Variants in GNAO1 observed in about 807,000 individuals in gnomAD.
GNAO1 encodes G protein subunit alpha o1.
For synonymous variants in GNAO1, 164 were observed against 180.7 expected, an observed-to-expected ratio of 0.91 and a Z score of 0.74; for missense variants, 166 against 478.7, an observed-to-expected ratio of 0.35 and a Z score of 6.10.
chr16:56,266,010 A>G (rs145757404), intron 2 of GNAO1, among the ~76,000 whole-genome samples: 41 of 151,996 alleles, frequency 2.7e-4, no homozygotes, highest in African/African-American at 9.4e-4. Context: ...TTCCTCACCA[A>G]TATGCAAGGC....
chr16:56,286,749 G>A (rs933253719), intron 3 of GNAO1, among the ~76,000 whole-genome samples: 5 of 151,588 alleles, frequency 3.3e-5, no homozygotes, highest in African/African-American at 9.7e-5. Context: ...GTATCTGTCT[G>A]TCTGTCTGTC....
rs148751219 is a variant in GNAO1, at chr16:56,256,942, C to G, written c.162-18989C>G. Among the ~76,000 whole-genome samples the G allele has an allele frequency of 1.2e-3, 190 of 152,214 alleles. No individual in the cohort carries two copies. The East Asian group carries it at 0.023, about 18-fold the overall frequency. On this transcript the variant is annotated intron_variant, in intron 2 of 8. Coordinates refer to ENST00000262493, the MANE Select transcript of GNAO1 (RefSeq NM_020988.3). ...TGGCCCAAGATGAGTTGCAGTGGTG[C>G]AAGGACAGTGTTTGAGAATGTTGAA...
At chr16:56,194,879 T>C (rs1304105052) in intron 2 of GNAO1, among the ~76,000 whole-genome samples, 5 of 152,208 alleles carry the variant, frequency 3.3e-5, no homozygotes, top group African/African-American at 1.2e-4. Flanking sequence ...GAAATAGGTG[T>C]GCCACTTTAG....
intron 2 of GNAO1, among the ~76,000 whole-genome samples, chr16:56,202,085 A>G (rs1379798426): frequency 1.3e-5 from 2 of 152,176 alleles, no homozygotes; most frequent in Non-Finnish European, 2.9e-5. Flanking sequence ...TAGGAAGAGG[A>G]ACCTGTGAGG....
chr16:56,345,681 G>A (rs1321999016), intron 6 of GNAO1: 1 of 985,414 alleles, frequency 1.0e-6, no homozygotes. Flanking sequence ...CGTGGCAGAG[G>A]ACAGGCCCTG....
At chr16:56,252,873 C>G (rs756968663) in intron 2 of GNAO1, among the ~76,000 whole-genome samples, 2 of 152,188 alleles carry the variant, frequency 1.3e-5, no homozygotes, top group Non-Finnish European at 2.9e-5. Context: ...CCTGTCCCCC[C>G]CACCAACCCC....
chr16:56,314,220 C>T (rs1269746934), intron 3 of GNAO1, among the ~76,000 whole-genome samples: 1 of 152,218 alleles, frequency 6.6e-6, no homozygotes, highest in East Asian at 1.9e-4. Flanking sequence ...TTCCACAATT[C>T]TGCATTTTCA....
chr16:56,257,668 A>C (rs1307570146), intron 2 of GNAO1, among the ~76,000 whole-genome samples: 2 of 152,240 alleles, frequency 1.3e-5, no homozygotes, highest in African/African-American at 4.8e-5. Flanking sequence ...ATTTCTGACT[A>C]CAGCCCGTAT....
At chr16:56,312,387 A>C (rs1263263001) in intron 3 of GNAO1, among the ~76,000 whole-genome samples, 1 of 152,192 alleles carries the variant, frequency 6.6e-6, no homozygotes, top group Admixed American at 6.5e-5. Context: ...TGCTGTCATG[A>C]TCTCTTGGGG....
chr16:56,347,287 GGCCACCAGAGATTCAGTGTGCA>G, intron 6 of GNAO1: 2 of 985,406 alleles, frequency 2.0e-6, no homozygotes, highest in Non-Finnish European at 2.4e-6. Flanking sequence ...CCAGCTCCGC[GGCCACCAGAGATTCAGTGTGCA>G]GTGCCGAAGG....
At chr16:56,265,486 G>A (rs925315648) in intron 2 of GNAO1, among the ~76,000 whole-genome samples, 6 of 152,238 alleles carry the variant, frequency 3.9e-5, no homozygotes, top group Admixed American at 3.9e-4. Context: ...AAAACAACAT[G>A]TACAGTGGGA....
intron 5 of GNAO1, chr16:56,336,292 C>T (rs1385636841): frequency 5.8e-6 from 1 of 173,104 alleles, no homozygotes. Context: ...GGGTGGCTCA[C>T]TTCTGCCATC....
chr16:56,217,974 G>A (rs1470343566), intron 2 of GNAO1, among the ~76,000 whole-genome samples: 1 of 152,190 alleles, frequency 6.6e-6, no homozygotes, highest in African/African-American at 2.4e-5. Flanking sequence ...ATGTTCCTAG[G>A]AGGAAAGAGG....
chr16:56,289,462 A>G (rs1461720590), intron 3 of GNAO1, among the ~76,000 whole-genome samples: 1 of 152,204 alleles, frequency 6.6e-6, no homozygotes, highest in Non-Finnish European at 1.5e-5. Flanking sequence ...CATCGGGGTG[A>G]AGACACTAAA....
chr16:56,266,426 C>A (rs926961542), intron 2 of GNAO1, among the ~76,000 whole-genome samples: 8 of 152,154 alleles, frequency 5.3e-5, no homozygotes, highest in African/African-American at 1.9e-4. Context: ...AAATTAAGAC[C>A]CAGAATAATT....
At chr16:56,228,530 G>GTT (rs2036556366) in intron 2 of GNAO1, among the ~76,000 whole-genome samples, 1 of 152,024 alleles carries the variant, frequency 6.6e-6, no homozygotes, top group African/African-American at 2.4e-5. Context: ...TTAACTGGAA[G>GTT]TTATCATAAC....
chr16:56,250,095 G>A (rs562452918), intron 2 of GNAO1, among the ~76,000 whole-genome samples: 1 of 152,308 alleles, frequency 6.6e-6, no homozygotes, highest in Non-Finnish European at 1.5e-5. Flanking sequence ...GTACTGAGAA[G>A]TAAGAAGGGA....
chr16:56,233,346 TG>T (rs1399214083), intron 2 of GNAO1, among the ~76,000 whole-genome samples: 1 of 152,170 alleles, frequency 6.6e-6, no homozygotes. Flanking sequence ...AAAGTTTGGT[TG>T]GATGAATAAG....
intron 2 of GNAO1, among the ~76,000 whole-genome samples, chr16:56,252,203 G>A (rs147694606): frequency 1.1e-3 from 160 of 152,330 alleles, no homozygotes; most frequent in African/African-American, 3.8e-3. Flanking sequence ...GTACTATACT[G>A]TGTTCCTCTT....
Sources: allele counts gnomAD v4.1 joint callset (sites outside exome capture counted in the v4.1 genomes callset), GRCh38; gene constraint gnomAD v4.1.1; transcripts MANE v1.5; gene names NCBI Gene and HGNC (gene_info 2026-07-23, HGNC 2026-07-21).